The following GSKIP variants were observed in gnomAD, a reference collection of about 807,000 sequenced individuals.
GSKIP encodes the protein GSK3B interacting protein, also known as GSK3B-interacting protein.
Under a neutral mutation model 11.9 loss-of-function variants are expected in GSKIP, and 5 were observed. That is an observed-to-expected ratio of 0.42 (90% confidence interval 0.22 to 0.89). GSKIP has a LOEUF of 0.89. Ranked by LOEUF, GSKIP falls within the 40% of genes least tolerant of loss-of-function variation. The probability of loss-of-function intolerance (pLI) is 0.29; values close to 1 mark genes in which losing one functional copy is unlikely to be tolerated. For synonymous variants in GSKIP, 70 were observed against 62.9 expected, an observed-to-expected ratio of 1.11 and a Z score of -0.54; for missense variants, 150 against 166.6, an observed-to-expected ratio of 0.90 and a Z score of 0.55.
At chr14:96,381,418 C>T (rs1266526894) in intron 2 of GSKIP, among the ~76,000 whole-genome samples, 1 of 151,996 alleles carries the variant, frequency 6.6e-6, no homozygotes, top group Admixed American at 6.6e-5. Flanking sequence ...AAAATAAATT[C>T]CAGATGGATG....
At chr14:96,367,959 G>A (rs376598217) in intron 1 of GSKIP, among the ~76,000 whole-genome samples, 13 of 152,108 alleles carry the variant, frequency 8.5e-5, no homozygotes, top group African/African-American at 3.1e-4. Context: ...AAGCAGTGAG[G>A]TTTTCTATTT....
intron 1 of GSKIP, among the ~76,000 whole-genome samples, chr14:96,375,710 G>A (rs1314787263): frequency 1.3e-5 from 2 of 152,188 alleles, no homozygotes; most frequent in African/African-American, 2.4e-5. Flanking sequence ...GGGATAACAG[G>A]CGTGAGCCAC....
rs376593860 is a variant in GSKIP, at chr14:96,382,370, A to G, written c.123A>G (p.Val41=). The G allele has an allele frequency of 1.4e-5, 23 of 1,613,970 alleles. No individual in the cohort carries two copies. Among genetic ancestry groups the G allele is most frequent in the Non-Finnish European group, 1.9e-5 (22 of 1,179,972 alleles). ...KDMRLEAEAV[V]NDVLFAVNNM... ...TGAGGCTCGAAGCTGAAGCAGTTGT[A>G]AATGATGTTCTCTTTGCTGTTAACA... The change falls in exon 3 of 4, where the codon GTA becomes GTG. Residue 41 remains valine (V), a synonymous_variant. Transcript: ENST00000555181.
At chr14:96,370,633 G>T (rs1264704354) in intron 1 of GSKIP, among the ~76,000 whole-genome samples, 7 of 152,072 alleles carry the variant, frequency 4.6e-5, no homozygotes, top group African/African-American at 1.7e-4. Flanking sequence ...TGGATCTCCT[G>T]CTTTCTATCT....
At chr14:96,378,895 A>G (rs1889273179) in intron 1 of GSKIP, 1 of 152,168 alleles carries the variant, frequency 6.6e-6, no homozygotes, top group Non-Finnish European at 1.5e-5. Context: ...CTCTGGCCAC[A>G]TTTCTCTGTG....
At chr14:96,384,611 AAAAG>A (rs1257205508) in intron 3 of GSKIP, 19 of 152,252 alleles carry the variant, frequency 1.2e-4, no homozygotes, top group Non-Finnish European at 2.4e-4. Flanking sequence ...GAAAAAAAAA[AAAAG>A]AAAAACACAT....
chr14:96,386,651 T>G lies in GSKIP; in HGVS notation c.*967T>G, dbSNP rs1007990306. On this transcript the variant is annotated 3_prime_UTR_variant, in exon 4 of 4. Transcript: ENST00000555181. ...CAGATGTACAGTGTTCTGTCTCCAT[T>G]CGAAATCTACAATGTAATATGAGTG... The G allele has an allele frequency of 1.3e-5, 2 of 152,650 alleles. No homozygotes were observed. The highest frequency in any genetic ancestry group is 2.9e-5 in the Non-Finnish European group (2 of 68,026). 9.5% of individuals were successfully genotyped at this position (152,650 alleles called of 1,614,324 possible). A position where few individuals can be genotyped will look rare whatever the true frequency, so the allele number is the denominator to read the frequency against.
intron 1 of GSKIP, among the ~76,000 whole-genome samples, chr14:96,374,415 A>C (rs1889141197): frequency 6.6e-6 from 1 of 152,214 alleles, no homozygotes; most frequent in Non-Finnish European, 1.5e-5. Flanking sequence ...CCAGAATCTC[A>C]ATGAAACCTA....
At chr14:96,367,343 G>A (rs1662584639) in intron 1 of GSKIP, among the ~76,000 whole-genome samples, 1 of 152,176 alleles carries the variant, frequency 6.6e-6, no homozygotes, top group African/African-American at 2.4e-5. Context: ...CAGTCTGCTT[G>A]AGAGCCTGTT....
chr14:96,372,950 G>A (rs1409844913), intron 1 of GSKIP, among the ~76,000 whole-genome samples: 1 of 152,108 alleles, frequency 6.6e-6, no homozygotes, highest in Admixed American at 6.5e-5. Flanking sequence ...GAGAGGAGGG[G>A]CCAGGTGCTG....
At chr14:96,378,298 A>G (rs1383148309) in intron 1 of GSKIP, among the ~76,000 whole-genome samples, 1 of 152,182 alleles carries the variant, frequency 6.6e-6, no homozygotes, top group African/African-American at 2.4e-5. Flanking sequence ...CCACTGCACT[A>G]TGGCCTAGGT....
intron 1 of GSKIP, chr14:96,378,842 C>G (rs1889271383): frequency 6.6e-6 from 1 of 152,184 alleles, no homozygotes; most frequent in South Asian, 2.1e-4. Context: ...AATTTGTTGG[C>G]TCCGATAACT....
chr14:96,365,171 G>T (rs868179696), intron 1 of GSKIP: 1 of 151,928 alleles, frequency 6.6e-6, no homozygotes, highest in Admixed American at 6.6e-5. Flanking sequence ...TGAATAATAT[G>T]CTTTGTGGTG....
Position 96,382,468 on chromosome 14 carries a change from A to G in GSKIP, c.221A>G (p.Asn74Ser). ...ATCAATGTGGAAACAAAGGAAAGAA[A>G]CAGATATTGCCTAGAACTCACTGAA... is the stretch of plus-strand genomic sequence containing the variant. Reference protein sequence around the residue: ...AYINVETKERNRYCLELTEAG... With the variant: ...AYINVETKERSRYCLELTEAG... The change falls in exon 3 of 4, where the codon AAC (asparagine) becomes AGC (serine). Residue 74 changes from asparagine (N) to serine (S), a missense_variant. Asn to Ser is a conservative substitution (Grantham distance 46). Transcript: ENST00000555181. 1 of 1,613,606 alleles carries G rather than the reference A, an allele frequency of 6.2e-7. No individual in the cohort carries two copies. Among genetic ancestry groups the G allele is most frequent in the East Asian group, 2.2e-5 (1 of 44,872 alleles).
chr14:96,379,522 T>G (rs1021170548), intron 1 of GSKIP, among the ~76,000 whole-genome samples, 166 bp from the exon 2 acceptor site: 1 of 152,208 alleles, frequency 6.6e-6, no homozygotes, highest in Non-Finnish European at 1.5e-5. Flanking sequence ...AAACAAGTTG[T>G]AATCATACCT....
Position 96,385,791 on chromosome 14 carries a change from T to C in GSKIP, c.*107T>C, listed in dbSNP as rs914731655. On this transcript the variant is annotated 3_prime_UTR_variant, in exon 4 of 4. Transcript: ENST00000555181. The stretch of plus-strand genomic sequence containing the variant: ...AAATGCATCTTTGGTTTTGTGTTTT[T>C]ATCACTTGCTTCCAACTTAGGCTTT... 1.2e-6 allele frequency: 1 copy of C among 826,630 alleles called. No individual in the cohort carries two copies. The highest frequency in any genetic ancestry group is 1.7e-5 in the African/African-American group (1 of 57,662). The allele number at this position is 826,630 out of a possible 1,614,324, so 51.2% of individuals were successfully genotyped here.
chr14:96,363,836 G>A (rs560076247), intron 1 of GSKIP: 3 of 152,512 alleles, frequency 2.0e-5, no homozygotes, highest in African/African-American at 7.2e-5. Flanking sequence ...CCGCTGGGAG[G>A]ACTGGAGCCC....
chr14:96,379,820 A>T (rs893885256), intron 2 of GSKIP, 32 bp downstream of exon 2: 26 of 151,716 alleles, frequency 1.7e-4, no homozygotes, highest in Middle Eastern at 3.4e-3. Context: ...ACTCTTGCTT[A>T]AAAAAAAGCT....
chr14:96,375,110 G>A (rs1876723839), intron 1 of GSKIP, among the ~76,000 whole-genome samples: 1 of 152,104 alleles, frequency 6.6e-6, no homozygotes, highest in African/African-American at 2.4e-5. Flanking sequence ...GAGGTACATT[G>A]TGATAAAGAT....
Sources: gnomAD v4.1 joint callset for allele counts (sites outside exome capture counted in the v4.1 genomes callset) on GRCh38, gnomAD v4.1.1 for gene constraint, MANE v1.5 for transcripts, NCBI Gene and HGNC (gene_info 2026-07-23, HGNC 2026-07-21) for gene names.